CSMD1: variants seen among roughly 807,000 people sequenced by gnomAD.
The protein encoded by CSMD1 is CUB and Sushi multiple domains 1.
A neutral mutation model predicts 417.5 loss-of-function variants in CSMD1; 213 were observed. The ratio of observed to expected loss-of-function variants is 0.51; its 90% CI spans 0.46 to 0.57. The LOEUF (loss-of-function observed/expected upper bound fraction) is 0.57. Ranked by LOEUF, CSMD1 falls within the 20% of genes least tolerant of loss-of-function variation. The probability of loss-of-function intolerance (pLI) is 0.00; values close to 1 mark genes in which losing one functional copy is unlikely to be tolerated. For synonymous variants in CSMD1, 2,862 were observed against 1,736.8 expected, an observed-to-expected ratio of 1.65 and a Z score of -16.11; for missense variants, 6,923 against 4,529.7, an observed-to-expected ratio of 1.53 and a Z score of -15.17.
At chr8:3,286,716 G>C (rs1041693952) in intron 25 of CSMD1, among the ~76,000 whole-genome samples, 2 of 151,930 alleles carry the variant, frequency 1.3e-5, no homozygotes, top group Admixed American at 1.3e-4. Context: ...GTAGATTCTG[G>C]TTATTAGCCC....
intron 5 of CSMD1, among the ~76,000 whole-genome samples, chr8:3,774,965 C>T (rs1039088568): frequency 1.3e-5 from 2 of 152,078 alleles, no homozygotes; most frequent in African/African-American, 4.8e-5. Flanking sequence ...AGCATATACA[C>T]AGCAATGCAC....
At chr8:3,931,314 A>G (rs546823247) in intron 5 of CSMD1, among the ~76,000 whole-genome samples, 2 of 150,620 alleles carry the variant, frequency 1.3e-5, no homozygotes, top group Admixed American at 1.3e-4. Flanking sequence ...TAAAATATTT[A>G]AGAACTAGAA....
intron 23 of CSMD1, among the ~76,000 whole-genome samples, chr8:3,310,702 T>A (rs547286089): frequency 6.6e-6 from 1 of 152,084 alleles, no homozygotes; most frequent in South Asian, 2.1e-4. Context: ...TTTTGAGGGG[T>A]GAGGGCCGCC....
chr8:4,761,288 G>C (rs527254427), intron 1 of CSMD1, among the ~76,000 whole-genome samples: 6 of 152,016 alleles, frequency 3.9e-5, no homozygotes, highest in Admixed American at 6.6e-5. Flanking sequence ...AGTGTAAAAT[G>C]CACAAGGGAT....
rs1298307238 is a variant in CSMD1, at chr8:3,680,112, C to A, written c.1009+28302G>T. On this transcript the variant is annotated intron_variant, in intron 7 of 69. Transcript: ENST00000635120. Reference sequence around the variant, plus strand: ...AGACCTATAATCGACACCATAACATCACAATTGAAACAACTAGAGAAGCAA... The same window carrying A: ...AGACCTATAATCGACACCATAACATAACAATTGAAACAACTAGAGAAGCAA... Among the ~76,000 whole-genome samples, 8 of 152,176 alleles carry A rather than the reference C, an allele frequency of 5.3e-5. No individual in the cohort carries two copies. In the East Asian group the frequency reaches 1.2e-3, roughly 22 times the overall value.
chr8:4,146,630 G>C (rs1390431964), intron 3 of CSMD1, among the ~76,000 whole-genome samples: 1 of 32,404 alleles, frequency 3.1e-5, no homozygotes, highest in Non-Finnish European at 6.6e-5. Flanking sequence ...TTTTTTTTTT[G>C]AGACAGAGTC....
At chr8:3,983,517 A>C (rs569546366) in intron 5 of CSMD1, among the ~76,000 whole-genome samples, 1 of 152,328 alleles carries the variant, frequency 6.6e-6, no homozygotes, top group African/African-American at 2.4e-5. Flanking sequence ...TTGGGACAGG[A>C]AACTGCCCTT....
At chr8:4,749,770 T>G (rs1204458592) in intron 1 of CSMD1, among the ~76,000 whole-genome samples, 1 of 152,182 alleles carries the variant, frequency 6.6e-6, no homozygotes, top group African/African-American at 2.4e-5. Flanking sequence ...CTAGATGCAT[T>G]AAAATGTGTA....
chr8:3,557,485 A>G (rs1799208163), intron 10 of CSMD1, among the ~76,000 whole-genome samples: 1 of 152,048 alleles, frequency 6.6e-6, no homozygotes, highest in Non-Finnish European at 1.5e-5. Flanking sequence ...AAGATAATTT[A>G]AACAACATGT....
At chr8:4,292,023 T>C (rs1466363367) in intron 3 of CSMD1, among the ~76,000 whole-genome samples, 1 of 152,130 alleles carries the variant, frequency 6.6e-6, no homozygotes, top group Non-Finnish European at 1.5e-5. Context: ...GATCCATTAT[T>C]ACCTAGTTAC....
chr8:3,826,300 G>C (rs371410068), intron 5 of CSMD1, among the ~76,000 whole-genome samples: 48 of 151,970 alleles, frequency 3.2e-4, no homozygotes, highest in African/African-American at 1.1e-3. Context: ...GAAGGAGGTT[G>C]AGATTGTCTT....
At chr8:4,180,011 T>A (rs889793153) in intron 3 of CSMD1, among the ~76,000 whole-genome samples, 4 of 152,026 alleles carry the variant, frequency 2.6e-5, no homozygotes, top group Non-Finnish European at 5.9e-5. Context: ...ATTGTGGAAG[T>A]CAGTGTGGCG....
intron 4 of CSMD1, among the ~76,000 whole-genome samples, chr8:4,000,754 A>G (rs1433196634): frequency 6.6e-6 from 1 of 152,002 alleles, no homozygotes; most frequent in African/African-American, 2.4e-5. Flanking sequence ...ATTTTATTTA[A>G]TATTTAGATT....
In CSMD1 at chr8:4,266,694, A is replaced by G. The variant is rs547402396; in HGVS notation, c.415+153259T>C. Reference sequence around the variant, plus strand: ...TTGAAAAATACATTATCAAAGAATTATACTTAGTTTTATACATTATACAAA... The same window carrying G: ...TTGAAAAATACATTATCAAAGAATTGTACTTAGTTTTATACATTATACAAA... On this transcript the variant is annotated intron_variant, in intron 3 of 69. Transcript: ENST00000635120. Among the ~76,000 whole-genome samples the G allele has an allele frequency of 5.0e-3, 523 of 105,102 alleles. 75 individuals are homozygous for G. Among genetic ancestry groups the G allele is most frequent in the African/African-American group, 0.013 (504 of 38,590 alleles). The allele number at this position is 105,102 out of a possible 152,430, so 69.0% of individuals were successfully genotyped here.
At chr8:3,410,829 C>A (rs1040631134) in intron 12 of CSMD1, among the ~76,000 whole-genome samples, 1 of 152,088 alleles carries the variant, frequency 6.6e-6, no homozygotes, top group African/African-American at 2.4e-5. Flanking sequence ...ACTTCCAACT[C>A]TGGGGCTCGA....
chr8:4,979,067 A>C (rs1810728127), intron 1 of CSMD1, among the ~76,000 whole-genome samples: 2 of 152,180 alleles, frequency 1.3e-5, no homozygotes, highest in South Asian at 4.1e-4. Context: ...GTCACTTCAA[A>C]TTTCCAGGCC....
At chr8:4,072,438 T>A (rs921114900) in intron 3 of CSMD1, among the ~76,000 whole-genome samples, 1 of 152,208 alleles carries the variant, frequency 6.6e-6, no homozygotes, top group African/African-American at 2.4e-5. Context: ...TCAATTCTTA[T>A]TTCTCTGGGA....
intron 5 of CSMD1, among the ~76,000 whole-genome samples, chr8:3,965,723 T>C (rs938447647): frequency 2.6e-5 from 4 of 152,118 alleles, no homozygotes; most frequent in Non-Finnish European, 4.4e-5. Context: ...TTTCCGGAGA[T>C]TCTCCTGCCT....
intron 11 of CSMD1, among the ~76,000 whole-genome samples, chr8:3,487,819 G>A (rs1418450082): frequency 6.6e-6 from 1 of 152,020 alleles, no homozygotes; most frequent in Non-Finnish European, 1.5e-5. Flanking sequence ...TGATTTCCCA[G>A]AAATCGTAAA....
Sources: gnomAD v4.1 joint callset for allele counts (sites outside exome capture counted in the v4.1 genomes callset) on GRCh38, gnomAD v4.1.1 for gene constraint, MANE v1.5 for transcripts, NCBI Gene and HGNC (gene_info 2026-07-23, HGNC 2026-07-21) for gene names.